Variants in FA2H observed in about 807,000 individuals in gnomAD.
FA2H encodes the protein fatty acid alpha-hydroxylase.
A neutral mutation model predicts 44.9 loss-of-function variants in FA2H; 22 were observed. The ratio of observed to expected loss-of-function variants is 0.49; its 90% CI spans 0.35 to 0.70. The LOEUF (loss-of-function observed/expected upper bound fraction) is 0.70, where lower values mean the gene tolerates loss of function less well. Ranked by LOEUF, FA2H falls within the 30% of genes least tolerant of loss-of-function variation. The pLI, the probability that FA2H is intolerant of heterozygous loss-of-function variation, is 0.01. For missense variants in FA2H, 501 were observed against 504.9 expected (o/e 0.99, Z 0.07); for synonymous variants, 243 against 213.2 (o/e 1.14, Z -1.22).
At chr16:74,755,125 T>A (rs545465570) in intron 1 of FA2H, among the ~76,000 whole-genome samples, 4 of 150,136 alleles carry the variant, frequency 2.7e-5, no homozygotes, top group Admixed American at 1.3e-4. Context: ...ATGTCCGCTG[T>A]CCAGCCTCTA....
chr16:74,767,275 C>T (rs1014616202), intron 1 of FA2H, among the ~76,000 whole-genome samples: 1 of 152,050 alleles, frequency 6.6e-6, no homozygotes, highest in Non-Finnish European at 1.5e-5. Flanking sequence ...TGCCATTGCA[C>T]TCTAGCCTGG....
chr16:74,767,364 G>C (rs775303235), intron 1 of FA2H, among the ~76,000 whole-genome samples: 14 of 152,136 alleles, frequency 9.2e-5, no homozygotes, highest in Non-Finnish European at 1.6e-4. Context: ...GAAATGAGAA[G>C]TGAGAGAAAC....
At chr16:74,770,538 C>A (rs1342169483) in intron 1 of FA2H, among the ~76,000 whole-genome samples, 1 of 152,120 alleles carries the variant, frequency 6.6e-6, no homozygotes, top group African/African-American at 2.4e-5. Context: ...GCCACCACAC[C>A]CAGCTAATTT....
At chr16:74,748,735 T>C (rs1367216338) in intron 1 of FA2H, among the ~76,000 whole-genome samples, 1 of 151,168 alleles carries the variant, frequency 6.6e-6, no homozygotes, top group Non-Finnish European at 1.5e-5. Context: ...AAGTCCACCA[T>C]AGAGGCCGCG....
chr16:74,764,562 C>A (rs1187200440), intron 1 of FA2H, among the ~76,000 whole-genome samples: 4 of 152,024 alleles, frequency 2.6e-5, no homozygotes, highest in Admixed American at 2.6e-4. Context: ...TACCTGAGGC[C>A]TCCACCCGAG....
At chr16:74,715,527 A>C (rs1961673455) in intron 6 of FA2H, among the ~76,000 whole-genome samples, 1 of 152,174 alleles carries the variant, frequency 6.6e-6, no homozygotes, top group African/African-American at 2.4e-5. Flanking sequence ...TCCTGGCTTC[A>C]AGCAATCCCC....
chr16:74,768,475 C>T (rs1962847921), intron 1 of FA2H, among the ~76,000 whole-genome samples: 1 of 152,210 alleles, frequency 6.6e-6, no homozygotes, highest in Non-Finnish European at 1.5e-5. Context: ...TGGTAGAGGG[C>T]AGTGACTGTT....
Position 74,753,564 on chromosome 16 carries a change from T to C in FA2H, c.271-13449A>G, listed in dbSNP as rs1962565796. ...ACGCACCTGTAATAATTCCAGCTAC[T>C]TGGGAGGCTGAGGTGGGAGAATCGC... On this transcript the variant is annotated intron_variant, in intron 1 of 6. Transcript: ENST00000219368. Among the ~76,000 whole-genome samples, 3 of 152,126 alleles carry C rather than the reference T, an allele frequency of 2.0e-5. No homozygotes were observed. In the South Asian group the frequency reaches 6.2e-4, roughly 31 times the overall value.
intron 4 of FA2H, among the ~76,000 whole-genome samples, chr16:74,723,885 TATATA>T (rs1435436196): frequency 6.6e-6 from 1 of 151,864 alleles, no homozygotes; most frequent in Non-Finnish European, 1.5e-5. Context: ...TACATTGTAT[TATATA>T]ATAATATTAA....
At chr16:74,748,006 G>A (rs867634262) in intron 1 of FA2H, among the ~76,000 whole-genome samples, 6 of 152,280 alleles carry the variant, frequency 3.9e-5, no homozygotes, top group Middle Eastern at 3.4e-3. Flanking sequence ...ATCCTATGCT[G>A]AGGACGCGGC....
At chr16:74,773,841 A>G (rs983779464) in intron 1 of FA2H, among the ~76,000 whole-genome samples, 5 of 152,218 alleles carry the variant, frequency 3.3e-5, no homozygotes, top group Admixed American at 3.3e-4. Context: ...TTTCCTTGGC[A>G]AAACTGGCTC....
intron 3 of FA2H, among the ~76,000 whole-genome samples, chr16:74,726,722 G>T (rs1437762175): frequency 6.6e-6 from 1 of 152,202 alleles, no homozygotes; most frequent in African/African-American, 2.4e-5. Flanking sequence ...AACTCAACTG[G>T]ATTGGGGACA....
chr16:74,750,555 C>T (rs1381906256), intron 1 of FA2H, among the ~76,000 whole-genome samples: 1 of 152,132 alleles, frequency 6.6e-6, no homozygotes, highest in Non-Finnish European at 1.5e-5. Flanking sequence ...ACAAGAGCAG[C>T]AACAACAACA....
intron 1 of FA2H, among the ~76,000 whole-genome samples, chr16:74,774,152 G>T (rs1043024169): frequency 6.6e-6 from 1 of 152,150 alleles, no homozygotes; most frequent in African/African-American, 2.4e-5. Context: ...CGTATGGGGG[G>T]CTGGGGACAG....
At chr16:74,748,539 C>T (rs990169771) in intron 1 of FA2H, among the ~76,000 whole-genome samples, 1 of 152,066 alleles carries the variant, frequency 6.6e-6, no homozygotes, top group Non-Finnish European at 1.5e-5. Context: ...GGGCTGTTCC[C>T]GGGAAGGTTC....
At chr16:74,732,490 G>A (rs566624430) in intron 2 of FA2H, among the ~76,000 whole-genome samples, 1 of 151,922 alleles carries the variant, frequency 6.6e-6, no homozygotes, top group East Asian at 1.9e-4. Context: ...AGGCTGGAGT[G>A]CAGTGGTGTG....
At chr16:74,736,663 C>T (rs1267544720) in intron 2 of FA2H, among the ~76,000 whole-genome samples, 1 of 152,194 alleles carries the variant, frequency 6.6e-6, no homozygotes, top group African/African-American at 2.4e-5. Context: ...TTGGCCAGCC[C>T]CAGCAGCTGG....
rs199815871 is a variant in FA2H, at chr16:74,716,542, C to T, written c.844G>A (p.Gly282Ser). The change falls in exon 6 of 7, where the codon GGC becomes AGC. Residue 282 changes from glycine to serine, a missense_variant. Physicochemically the swap from Gly to Ser is moderately conservative, Grantham distance 56. Transcript: ENST00000219368. ...AGCTGCATGCACAAGTAGAAGACGC[C>T]GATCACCAGGGAGGCTGGCACAGGG... is the stretch of plus-strand genomic sequence containing the variant. ...FPPVPASLVIGVFYLCMQLIL... is the reference protein window; with the variant it reads ...FPPVPASLVISVFYLCMQLIL... 366 of 1,608,368 alleles carry T rather than the reference C, an allele frequency of 2.3e-4. No individual in the cohort carries two copies. Among genetic ancestry groups the T allele is most frequent in the Admixed American group, 1.7e-3 (98 of 58,954 alleles).
chr16:74,735,236 A>G (rs1962157396), intron 2 of FA2H, among the ~76,000 whole-genome samples: 1 of 152,090 alleles, frequency 6.6e-6, no homozygotes, highest in African/African-American at 2.4e-5. Flanking sequence ...CTTCCTCAGC[A>G]CAACGGCTGT....
Sources: allele counts gnomAD v4.1 joint callset (sites outside exome capture counted in the v4.1 genomes callset), GRCh38; gene constraint gnomAD v4.1.1; transcripts MANE v1.5; gene names NCBI Gene and HGNC (gene_info 2026-07-23, HGNC 2026-07-21).